ZNF654: variants seen among roughly 807,000 people sequenced by gnomAD.
ZNF654 encodes the protein zinc finger protein 654.
Under a neutral mutation model 95.3 loss-of-function variants are expected in ZNF654, and 19 were observed. The observed-to-expected ratio is 0.20, with a 90% CI of 0.14 to 0.29. The LOEUF (loss-of-function observed/expected upper bound fraction) is 0.29. Among genes scored for constraint, ZNF654 ranks in the 10% least tolerant of loss-of-function variants. The probability of loss-of-function intolerance (pLI) is 1.00; values close to 1 mark genes in which losing one functional copy is unlikely to be tolerated. For synonymous variants in ZNF654, 413 were observed against 457.9 expected, an observed-to-expected ratio of 0.90 and a Z score of 1.25; for missense variants, 1,046 against 1,341.0, an observed-to-expected ratio of 0.78 and a Z score of 3.44.
intron 4 of ZNF654, among the ~76,000 whole-genome samples, chr3:88,127,462 A>T (rs1421445044): frequency 1.3e-5 from 2 of 152,050 alleles, no homozygotes; most frequent in Non-Finnish European, 2.9e-5. Context: ...AAAAACTAAA[A>T]GGGAGAGAGT....
intron 1 of ZNF654, among the ~76,000 whole-genome samples, chr3:88,077,184 AGGG>A (rs1434906038): frequency 2.0e-5 from 3 of 152,158 alleles, no homozygotes; most frequent in African/African-American, 7.2e-5. Context: ...GAATCAGAAT[AGGG>A]GAGGAGGATT....
intron 2 of ZNF654, among the ~76,000 whole-genome samples, chr3:88,099,424 GC>G: frequency 6.6e-6 from 1 of 152,296 alleles, no homozygotes; most frequent in East Asian, 1.9e-4. Context: ...TAGATTCAAT[GC>G]CATTCCCATC....
intron 7 of ZNF654, 130 bp from the exon 8 acceptor site, chr3:88,138,575 T>C (rs1360553986): frequency 1.2e-5 from 6 of 481,210 alleles, no homozygotes; most frequent in South Asian, 2.3e-4. Context: ...CTACTAAATA[T>C]GGAAAATTGG....
intron 1 of ZNF654, among the ~76,000 whole-genome samples, chr3:88,065,041 G>A (rs1228610719): frequency 2.0e-5 from 3 of 152,118 alleles, no homozygotes; most frequent in African/African-American, 7.2e-5. Flanking sequence ...TAATTGCATC[G>A]ATAATTGCAT....
chr3:88,102,989 C>G (rs969359741), intron 2 of ZNF654, among the ~76,000 whole-genome samples: 4 of 152,018 alleles, frequency 2.6e-5, no homozygotes, highest in African/African-American at 9.7e-5. Flanking sequence ...CCCTCTGCCC[C>G]ACTAGTAGTC....
At chr3:88,123,308 G>C (rs1705893495) in intron 3 of ZNF654, among the ~76,000 whole-genome samples, 1 of 151,964 alleles carries the variant, frequency 6.6e-6, no homozygotes, top group East Asian at 1.9e-4. Context: ...CCAAAATATG[G>C]TATTTTTGAC....
In ZNF654 at chr3:88,108,829, GA is replaced by G. The variant is rs548207936; in HGVS notation, c.333-4274del. ...GAAAAGGTTAAAGTTCTCAACTTCA[GA>G]AAAAAAAAAAATTGTATGCTGAGGT... On this transcript the variant is annotated intron_variant, in intron 2 of 8. Coordinates refer to ENST00000636215, the MANE Select transcript of ZNF654 (RefSeq NM_001350134.2). Among the ~76,000 whole-genome samples the G allele has an allele frequency of 1.3e-3, 192 of 144,224 alleles. No individual in the cohort carries two copies. The Middle Eastern group carries it at 0.014, about 11-fold the overall frequency. 94.6% of individuals were successfully genotyped at this position (144,224 alleles called of 152,430 possible). A position where few individuals can be genotyped will look rare whatever the true frequency, so the allele number is the denominator to read the frequency against.
chr3:88,144,355 T>C lies in ZNF654; in HGVS notation c.*2703T>C, dbSNP rs1177685264. On this transcript the variant is annotated 3_prime_UTR_variant, in exon 9 of 9. Transcript: ENST00000636215. ...GTTTGGTTTAATACTGTTGTATGGA[T>C]GAAAAACCTAAAAGGGATGATAGTG... The C allele has an allele frequency of 2.0e-5, 3 of 152,402 alleles. No homozygotes were observed. Among genetic ancestry groups the C allele is most frequent in the Non-Finnish European group, 4.4e-5 (3 of 67,836 alleles). 9.4% of individuals were successfully genotyped at this position (152,402 alleles called of 1,614,324 possible).
intron 5 of ZNF654, among the ~76,000 whole-genome samples, chr3:88,129,343 A>C (rs939489181): frequency 6.6e-6 from 1 of 151,074 alleles, no homozygotes; most frequent in African/African-American, 2.4e-5. Flanking sequence ...AAAAAAAAAA[A>C]AACCCAAGAA....
chr3:88,094,460 G>C (rs1703937264), intron 2 of ZNF654, among the ~76,000 whole-genome samples: 1 of 152,104 alleles, frequency 6.6e-6, no homozygotes, highest in Admixed American at 6.6e-5. Flanking sequence ...CAGGGGAAAA[G>C]AAATACCCTG....
intron 7 of ZNF654, chr3:88,135,508 C>G (rs1706721825): frequency 5.4e-6 from 1 of 183,910 alleles, no homozygotes; most frequent in African/African-American, 2.3e-5. Flanking sequence ...AACTAATTTG[C>G]AAATAAACTT....
intron 2 of ZNF654, among the ~76,000 whole-genome samples, chr3:88,089,869 G>A (rs1708542436): frequency 6.6e-6 from 1 of 152,154 alleles, no homozygotes; most frequent in Non-Finnish European, 1.5e-5. Flanking sequence ...GTCATGCGCT[G>A]CATAAAGATG....
chr3:88,092,734 A>G (rs1459885956), intron 2 of ZNF654, among the ~76,000 whole-genome samples: 1 of 152,208 alleles, frequency 6.6e-6, no homozygotes, highest in Non-Finnish European at 1.5e-5. Flanking sequence ...TATATGTATA[A>G]CATTTACAAA....
At chr3:88,115,286 C>T (rs1022362221) in intron 3 of ZNF654, among the ~76,000 whole-genome samples, 1 of 152,160 alleles carries the variant, frequency 6.6e-6, no homozygotes, top group Non-Finnish European at 1.5e-5. Context: ...CTCTTTCCCC[C>T]CGCTGTATTT....
chr3:88,062,041 T>C (rs1314478992), intron 1 of ZNF654, among the ~76,000 whole-genome samples: 1 of 152,160 alleles, frequency 6.6e-6, no homozygotes, highest in Non-Finnish European at 1.5e-5. Flanking sequence ...TTTTGTGTCT[T>C]TTACCATAAG....
At chr3:88,069,527 A>G (rs1256113999) in intron 1 of ZNF654, among the ~76,000 whole-genome samples, 3 of 152,228 alleles carry the variant, frequency 2.0e-5, no homozygotes, top group Non-Finnish European at 4.4e-5. Context: ...ACTTTTCTTC[A>G]TAGCACTTAT....
chr3:88,140,526 A>G lies in ZNF654; in HGVS notation c.2857A>G (p.Ile953Val). The change falls in exon 8 of 9, where the codon ATA becomes GTA. Residue 953 changes from isoleucine to valine, a missense_variant. By Grantham distance (29) the Ile-to-Val change is conservative. Transcript: ENST00000636215. The part of the protein sequence containing the change: ...NERSDDTVSN[I>V]SLIDQKMPDI... The stretch of plus-strand genomic sequence containing the variant: ...ACGTTCTGATGACACTGTTTCAAAT[A>G]TAAGCTTGATAGACCAAAAGATGCC... 1 of 1,613,742 alleles carries G rather than the reference A, an allele frequency of 6.2e-7. No individual in the cohort carries two copies.
intron 3 of ZNF654, among the ~76,000 whole-genome samples, chr3:88,118,073 A>T (rs1453477678): frequency 6.6e-6 from 1 of 152,162 alleles, no homozygotes; most frequent in Non-Finnish European, 1.5e-5. Flanking sequence ...TGAAATGCCA[A>T]CTAAACCAGT....
chr3:88,144,293 T>C lies in ZNF654; in HGVS notation c.*2641T>C, dbSNP rs1707255003. 6.6e-6 allele frequency: 1 copy of C among 152,368 alleles called. No homozygotes were observed. Among genetic ancestry groups the C allele is most frequent in the South Asian group, 2.1e-4 (1 of 4,832 alleles). The allele number at this position is 152,368 out of a possible 1,614,324, so 9.4% of individuals were successfully genotyped here. A position where few individuals can be genotyped will look rare whatever the true frequency, so the allele number is the denominator to read the frequency against. On this transcript the variant is annotated 3_prime_UTR_variant, in exon 9 of 9. Coordinates refer to ENST00000636215, the MANE Select transcript of ZNF654 (RefSeq NM_001350134.2). ...TATATCATTGAACTTGTGATTCTTT[T>C]CAAATCACACTGAAGGTTCAGCCGT...
Sources: allele counts gnomAD v4.1 joint callset (sites outside exome capture counted in the v4.1 genomes callset), GRCh38; gene constraint gnomAD v4.1.1; transcripts MANE v1.5; gene names NCBI Gene and HGNC (gene_info 2026-07-23, HGNC 2026-07-21).